The following ADI1 variants were observed in gnomAD, a reference collection of about 807,000 sequenced individuals.
ADI1 encodes the protein acireductone dioxygenase.
Under a neutral mutation model 18.7 loss-of-function variants are expected in ADI1, and 21 were observed. That is an observed-to-expected ratio of 1.13 (90% CI 0.80 to 1.62). The LOEUF (loss-of-function observed/expected upper bound fraction) is 1.62. Ranked by LOEUF, ADI1 falls within the 40% of genes most tolerant of loss-of-function variation. The pLI is 0.00. For missense variants in ADI1, 245 were observed against 254.9 expected, an observed-to-expected ratio of 0.96 and a Z score of 0.26; for synonymous variants, 90 against 100.1, an observed-to-expected ratio of 0.90 and a Z score of 0.60.
At chr2:3,515,249 GAATATT>G (rs1219044134) in intron 1 of ADI1, 2 of 161,814 alleles carry the variant, frequency 1.2e-5, no homozygotes, top group South Asian at 1.6e-4. Context: ...TCCTAGGAAG[GAATATT>G]AATATTAATA....
chr2:3,505,693 G>A (rs992705010), intron 2 of ADI1, among the ~76,000 whole-genome samples: 13 of 152,180 alleles, frequency 8.5e-5, no homozygotes, highest in African/African-American at 2.9e-4. Flanking sequence ...CAGCCCCTTC[G>A]GAACTCCATG....
intron 1 of ADI1, chr2:3,519,159 G>A (rs1667500066): frequency 8.3e-6 from 5 of 598,958 alleles, no homozygotes; most frequent in Non-Finnish European, 1.2e-5. Context: ...CGCCGCGCAG[G>A]AGGCCCTGAC....
intron 2 of ADI1, 102 bp from the exon 3 acceptor site, chr2:3,501,095 G>T: frequency 9.9e-7 from 1 of 1,009,470 alleles, no homozygotes; most frequent in Non-Finnish European, 1.4e-6. Context: ...CAGAGCTGAG[G>T]TGAATGGGAC....
In ADI1 at chr2:3,519,473, C is replaced by G. The variant is rs1572242349; in HGVS notation, c.15G>C (p.Trp5Cys). MVQAWYMDDAPGDPR... is the reference protein window; with the variant it reads MVQACYMDDAPGDPR... The stretch of plus-strand genomic sequence containing the variant: ...GGTCGCCCGGGGCGTCGTCCATATA[C>G]CAGGCCTGCACCATGACGCGCAGTG... Residue 5 changes from tryptophan to cysteine, a missense_variant, in exon 1 of 4, where the codon TGG becomes TGC. Transcript: ENST00000327435. The G allele has an allele frequency of 7.4e-6, 10 of 1,350,120 alleles. No homozygotes were observed. In the South Asian group the frequency reaches 1.5e-4, roughly 20 times the overall value. 83.6% of individuals were successfully genotyped at this position (1,350,120 alleles called of 1,614,324 possible).
intron 2 of ADI1, among the ~76,000 whole-genome samples, chr2:3,506,058 G>C (rs1179941801): frequency 6.6e-6 from 1 of 152,190 alleles, no homozygotes. Context: ...GGAAGCCTGA[G>C]CTGACTAAGA....
intron 2 of ADI1, among the ~76,000 whole-genome samples, chr2:3,503,245 C>T (rs1032144869): frequency 6.7e-6 from 1 of 149,520 alleles, no homozygotes; most frequent in Non-Finnish European, 1.5e-5. Context: ...CATGTGCATT[C>T]ACACACATGC....
intron 3 of ADI1, among the ~76,000 whole-genome samples, chr2:3,499,351 A>C (rs1666942513): frequency 6.6e-6 from 1 of 152,152 alleles, no homozygotes; most frequent in Non-Finnish European, 1.5e-5. Context: ...CGTGCTCTCT[A>C]TAGAGACACA....
intron 2 of ADI1, among the ~76,000 whole-genome samples, chr2:3,507,778 T>C (rs1667206921): frequency 6.6e-6 from 1 of 152,250 alleles, no homozygotes; most frequent in Non-Finnish European, 1.5e-5. Flanking sequence ...TTCATTGATC[T>C]AATCGATAAC....
At chr2:3,516,924 G>C (rs1008662379) in intron 1 of ADI1, 2 of 984,822 alleles carry the variant, frequency 2.0e-6, no homozygotes, top group African/African-American at 3.5e-5. Context: ...TTGTTTTTTG[G>C]GTTTTTTTAG....
rs536517643 is a variant in ADI1, at chr2:3,517,205, T to C, written c.120+2163A>G. 2 of 152,436 alleles carry C rather than the reference T, an allele frequency of 1.3e-5. 1 individual carries two copies. The highest frequency in any genetic ancestry group is 3.9e-4 in the East Asian group (2 of 5,192). The allele number at this position is 152,436 out of a possible 1,614,324, so 9.4% of individuals were successfully genotyped here. On this transcript the variant is annotated intron_variant, in intron 1 of 3. Coordinates refer to ENST00000327435, the MANE Select transcript of ADI1 (RefSeq NM_018269.4). ...TTCCAGTCTTCCTGAGTCAGAATAA[T>C]AAGGAAGTCGCTTCTGCTTTAACCC... is the stretch of plus-strand genomic sequence containing the variant.
At chr2:3,516,680 C>A (rs993057899) in intron 1 of ADI1, 1 of 959,706 alleles carries the variant, frequency 1.0e-6, no homozygotes, top group Admixed American at 6.2e-5. Context: ...ATAAATTGCC[C>A]AGTTTAAGCT....
Position 3,498,989 on chromosome 2 carries a change from C to A in ADI1, c.514G>T (p.Val172Leu), listed in dbSNP as rs749758704. 9 of 1,613,420 alleles carry A rather than the reference C, an allele frequency of 5.6e-6. No individual in the cohort carries two copies. The East Asian group carries it at 1.8e-4, about 32-fold the overall frequency. Reference sequence around the variant, plus strand: ...TAGGCGGTCTGTGCCAGAAATTTCACGTACTGCCCGCGGGCTTCAAAATGG... The same window carrying A: ...TAGGCGGTCTGTGCCAGAAATTTCAAGTACTGCCCGCGGGCTTCAAAATGG... The part of the protein sequence containing the change: ...ADHFEARGQY[V>L]KFLAQTA Residue 172 changes from valine (V) to leucine (L), a missense_variant, in exon 4 of 4, where the codon GTG becomes TTG. Transcript: ENST00000327435.
At chr2:3,507,622 G>A (rs1454982662) in intron 2 of ADI1, among the ~76,000 whole-genome samples, 1 of 152,104 alleles carries the variant, frequency 6.6e-6, no homozygotes, top group Non-Finnish European at 1.5e-5. Context: ...TTTGTCGCCC[G>A]TAGACTGACC....
chr2:3,516,868 A>C (rs1427640419), intron 1 of ADI1: 1 of 985,152 alleles, frequency 1.0e-6, no homozygotes, highest in East Asian at 1.1e-4. Flanking sequence ...ATTATGGGAG[A>C]TGTTACATAT....
chr2:3,505,600 A>T (rs185076605), intron 2 of ADI1, among the ~76,000 whole-genome samples: 2 of 152,332 alleles, frequency 1.3e-5, no homozygotes, highest in East Asian at 3.9e-4. Context: ...GAAGGCCTCA[A>T]CTCAGGAGAG....
At chr2:3,511,331 C>G (rs993301493) in intron 2 of ADI1, among the ~76,000 whole-genome samples, 5 of 150,540 alleles carry the variant, frequency 3.3e-5, no homozygotes, top group Non-Finnish European at 5.9e-5. Context: ...TGCAATTAAA[C>G]CTTTTTCTTA....
At chr2:3,509,650 G>T (rs893139816) in intron 2 of ADI1, among the ~76,000 whole-genome samples, 1 of 152,014 alleles carries the variant, frequency 6.6e-6, no homozygotes, top group Non-Finnish European at 1.5e-5. Context: ...AAAATAAAAA[G>T]TATATCGAAA....
chr2:3,500,499 G>GTGACACCCCTAGAGATGCCT, intron 3 of ADI1: 1 of 491,080 alleles, frequency 2.0e-6, no homozygotes, highest in Non-Finnish European at 3.7e-6. Flanking sequence ...AAGGGCTGGG[G>GTGACACCCCTAGAGATGCCT]CAGGGCCAGG....
At position 3,498,835 on chromosome 2, in the gene ADI1, T is replaced by C. The variant is rs1666922520; in HGVS notation, c.*128A>G. On this transcript the variant is annotated 3_prime_UTR_variant, in exon 4 of 4. Transcript: ENST00000327435. ...ATTACAAAATATTCTGATCAAATAA[T>C]CTTACAAAGGAAAGATAATCTAGCC... 6.4e-6 allele frequency: 9 copies of C among 1,411,820 alleles called. No individual in the cohort carries two copies. In the South Asian group the frequency reaches 7.3e-5, roughly 12 times the overall value. 87.5% of individuals were successfully genotyped at this position (1,411,820 alleles called of 1,614,324 possible).
Sources: allele counts gnomAD v4.1 joint callset (sites outside exome capture counted in the v4.1 genomes callset), GRCh38; gene constraint gnomAD v4.1.1; transcripts MANE v1.5; gene names NCBI Gene and HGNC (gene_info 2026-07-23, HGNC 2026-07-21).